The following ATP8A2 variants were observed in gnomAD, a reference collection of about 807,000 sequenced individuals.
ATP8A2 encodes the protein phospholipid-transporting ATPase IB.
ATP8A2 carries 100 observed loss-of-function variants against 165.6 expected under a neutral mutation model. The ratio of observed to expected loss-of-function variants is 0.60; its 90% CI spans 0.51 to 0.71. ATP8A2 has a LOEUF of 0.71. Among genes scored for constraint, ATP8A2 ranks in the 30% least tolerant of loss-of-function variants. The pLI, the probability that ATP8A2 is intolerant of heterozygous loss-of-function variation, is 0.00. For synonymous variants in ATP8A2, 543 were observed against 548.8 expected (o/e 0.99, Z 0.15); for missense variants, 1,227 against 1,479.5 (o/e 0.83, Z 2.80).
At chr13:25,649,017 T>A (rs1158907920) in intron 24 of ATP8A2, 2 of 508,204 alleles carry the variant, frequency 3.9e-6, no homozygotes, top group Admixed American at 4.0e-5. Context: ...TTCATTAGGG[T>A]CAATTTTTGG....
intron 24 of ATP8A2, among the ~76,000 whole-genome samples, chr13:25,643,276 A>G (rs912146015): frequency 5.3e-5 from 8 of 152,148 alleles, no homozygotes; most frequent in African/African-American, 1.9e-4. Context: ...CCATGTTTTA[A>G]TACAGGTATA....
At chr13:25,678,669 G>A (rs999825152) in intron 24 of ATP8A2, among the ~76,000 whole-genome samples, 1 of 152,122 alleles carries the variant, frequency 6.6e-6, no homozygotes, top group Middle Eastern at 3.2e-3. Context: ...AGCCTTGTTT[G>A]GAAAGACAAC....
intron 27 of ATP8A2, among the ~76,000 whole-genome samples, chr13:25,788,097 C>T (rs1315180891): frequency 6.6e-6 from 1 of 152,200 alleles, no homozygotes; most frequent in Admixed American, 6.5e-5. Context: ...AGCTGTGGGA[C>T]CTAGTTTCCA....
intron 25 of ATP8A2, among the ~76,000 whole-genome samples, chr13:25,767,428 G>C (rs1420098249): frequency 6.6e-6 from 1 of 152,192 alleles, no homozygotes. Flanking sequence ...TATCTTTTAA[G>C]TTCTGAAGCA....
intron 1 of ATP8A2, among the ~76,000 whole-genome samples, chr13:25,420,081 T>G (rs1342638164): frequency 6.6e-6 from 1 of 152,228 alleles, no homozygotes; most frequent in East Asian, 1.9e-4. Flanking sequence ...AGGGTTTCTG[T>G]GTAAAATCAG....
rs1269679958 is a variant in ATP8A2 at position 25,480,060 on chromosome 13, A to G, written c.221+10939A>G. Among the ~76,000 whole-genome samples, 1,363 of 147,618 alleles carry G rather than the reference A, an allele frequency of 9.2e-3. 33 individuals are homozygous for G. Among genetic ancestry groups the G allele is most frequent in the African/African-American group, 0.032 (1,277 of 39,454 alleles). Reference sequence around the variant, plus strand: ...GCAGAGGGGCTCCTCACTTCCCAGTAGGGGCGGCTGGGCAGAGGCGCCCCT... The same window carrying G: ...GCAGAGGGGCTCCTCACTTCCCAGTGGGGGCGGCTGGGCAGAGGCGCCCCT... On this transcript the variant is annotated intron_variant, in intron 2 of 36. Coordinates refer to ENST00000381655, the MANE Select transcript of ATP8A2 (RefSeq NM_016529.6).
chr13:26,007,014 G>A (rs770845123), intron 35 of ATP8A2, among the ~76,000 whole-genome samples: 2 of 149,992 alleles, frequency 1.3e-5, no homozygotes, highest in Non-Finnish European at 3.0e-5. Context: ...GGAAAACATA[G>A]ATCTAAATTG....
chr13:25,702,548 G>A (rs1024188158), intron 25 of ATP8A2, among the ~76,000 whole-genome samples: 1 of 152,202 alleles, frequency 6.6e-6, no homozygotes, highest in Non-Finnish European at 1.5e-5. Flanking sequence ...TTTATTGTGG[G>A]CTTGCAAGTA....
In ATP8A2 at chr13:25,794,151, C is replaced by G. The variant is rs116944349; in HGVS notation, c.2679+19192C>G. Among the ~76,000 whole-genome samples, 60 of 152,306 alleles carry G rather than the reference C, an allele frequency of 3.9e-4. No homozygotes were observed. The East Asian group carries it at 0.011, about 28-fold the overall frequency. On this transcript the variant is annotated intron_variant, in intron 27 of 36. Transcript: ENST00000381655. The stretch of plus-strand genomic sequence containing the variant: ...TGTGAGTTTAGAGCTGGCCTGATGG[C>G]CATGAGCAGCATGTTTTCCATCTTG...
At position 25,769,345 on chromosome 13, in the gene ATP8A2, G is replaced by T. The variant is rs2044567957; in HGVS notation, c.2568+116G>T. ...AACCTCTGCCACCCCTCTTGAGGTTGCTGTCTAGATGAAACCCCGGGGATA... is the reference window on the plus strand; with the variant it reads ...AACCTCTGCCACCCCTCTTGAGGTTTCTGTCTAGATGAAACCCCGGGGATA... On this transcript the variant is annotated intron_variant, in intron 26 of 36. Coordinates refer to ENST00000381655, the MANE Select transcript of ATP8A2 (RefSeq NM_016529.6). 17 of 1,028,348 alleles carry T rather than the reference G, an allele frequency of 1.7e-5. No individual in the cohort carries two copies. The South Asian group carries it at 2.8e-4, about 17-fold the overall frequency. 63.7% of individuals were successfully genotyped at this position (1,028,348 alleles called of 1,614,324 possible). A position where few individuals can be genotyped will look rare whatever the true frequency, so the allele number is the denominator to read the frequency against.
At chr13:25,824,745 G>T (rs1207470169) in intron 27 of ATP8A2, among the ~76,000 whole-genome samples, 1 of 151,928 alleles carries the variant, frequency 6.6e-6, no homozygotes, top group African/African-American at 2.4e-5. Context: ...AAACTTACTT[G>T]ATCAGTGTCT....
At chr13:25,453,488 G>A (rs1407656834) in intron 1 of ATP8A2, among the ~76,000 whole-genome samples, 1 of 152,092 alleles carries the variant, frequency 6.6e-6, no homozygotes, top group Non-Finnish European at 1.5e-5. Flanking sequence ...GGGGTTTTAC[G>A]GCTTATGGCC....
intron 24 of ATP8A2, among the ~76,000 whole-genome samples, chr13:25,640,797 A>G (rs1416657081): frequency 6.6e-6 from 1 of 152,184 alleles, no homozygotes; most frequent in African/African-American, 2.4e-5. Context: ...CAGAGACACA[A>G]CAAAAAAAGA....
intron 25 of ATP8A2, among the ~76,000 whole-genome samples, chr13:25,735,919 C>T (rs542515039): frequency 6.6e-6 from 1 of 152,214 alleles, no homozygotes. Flanking sequence ...CCCAGAGCAA[C>T]GTCTAGTCTT....
Position 25,750,243 on chromosome 13 carries a change from A to T in ATP8A2, c.2385-18803A>T, listed in dbSNP as rs1250224356. Among the ~76,000 whole-genome samples, 2 of 152,194 alleles carry T rather than the reference A, an allele frequency of 1.3e-5. No homozygotes were observed. Among genetic ancestry groups the T allele is most frequent in the Non-Finnish European group, 2.9e-5 (2 of 68,038 alleles). ...GTGTCCAGAAAGCAGCTCCTGACCC[A>T]GGCAGAGCAGGCTGCATTTCTCAGA... is the stretch of plus-strand genomic sequence containing the variant. On this transcript the variant is annotated intron_variant, in intron 25 of 36. Transcript: ENST00000381655. The surrounding 1 kb of genome is among the most constrained non-coding windows in gnomAD (Gnocchi z 4.3).
intron 33 of ATP8A2, among the ~76,000 whole-genome samples, chr13:25,912,919 G>A (rs9551228): frequency 0.099 from 14,996 of 152,240 alleles, 1,249 homozygotes; most frequent in Admixed American, 0.24. Context: ...GCAGCAGTGC[G>A]TTGGTCAACT....
intron 33 of ATP8A2, among the ~76,000 whole-genome samples, chr13:25,876,305 AG>A (rs1593488814): frequency 6.6e-6 from 1 of 152,326 alleles, no homozygotes; most frequent in East Asian, 1.9e-4. Context: ...AGAGAAGAAA[AG>A]TTTAGGATTT....
chr13:25,566,939 GA>G (rs796953807), intron 16 of ATP8A2, among the ~76,000 whole-genome samples: 22 of 152,302 alleles, frequency 1.4e-4, no homozygotes, highest in African/African-American at 5.1e-4. Flanking sequence ...TGTGTAGACA[GA>G]GAGGAATCCC....
intron 33 of ATP8A2, among the ~76,000 whole-genome samples, chr13:25,926,004 GC>G (rs1954595494): frequency 6.6e-6 from 1 of 152,112 alleles, no homozygotes; most frequent in African/African-American, 2.4e-5. Flanking sequence ...AGGATTACAG[GC>G]ATGAGCCACC....
Sources: allele counts gnomAD v4.1 joint callset (sites outside exome capture counted in the v4.1 genomes callset), GRCh38; gene constraint gnomAD v4.1.1; non-coding constraint Gnocchi (gnomAD v3.1); transcripts MANE v1.5; gene names NCBI Gene and HGNC (gene_info 2026-07-23, HGNC 2026-07-21).